Variants in SGCE observed in about 807,000 individuals in gnomAD.
The protein encoded by SGCE is epsilon-sarcoglycan.
Under a neutral mutation model 57.8 loss-of-function variants are expected in SGCE, and 26 were observed. That is an observed-to-expected ratio of 0.45 (90% confidence interval 0.33 to 0.62). The LOEUF (loss-of-function observed/expected upper bound fraction) is 0.62. Ranked by LOEUF, SGCE falls within the 20% of genes least tolerant of loss-of-function variation. The probability of loss-of-function intolerance (pLI) is 0.02; values close to 1 mark genes in which losing one functional copy is unlikely to be tolerated. For synonymous variants in SGCE, 183 were observed against 189.5 expected, an observed-to-expected ratio of 0.97 and a Z score of 0.28; for missense variants, 468 against 548.6, an observed-to-expected ratio of 0.85 and a Z score of 1.47.
chr7:94,585,334 T>C lies in SGCE; in HGVS notation c.*165A>G. The C allele has an allele frequency of 3.5e-6, 2 of 563,742 alleles. No individual in the cohort carries two copies. The highest frequency in any genetic ancestry group is 7.0e-5 in the South Asian group (2 of 28,770). 34.9% of individuals were successfully genotyped at this position (563,742 alleles called of 1,614,324 possible). On this transcript the variant is annotated 3_prime_UTR_variant, in exon 11 of 11. Transcript: ENST00000648936. ...AATGCTTTAAGTACAAAAAAATACA[T>C]TAGTAAAATGAAAGTTATGTTGTAT...
intron 5 of SGCE, among the ~76,000 whole-genome samples, chr7:94,606,759 G>T (rs1800211043): frequency 6.6e-6 from 1 of 152,134 alleles, no homozygotes. Context: ...ATCATACACT[G>T]TCTGTTCTCA....
rs1797128051 is a variant in SGCE at position 94,587,961 on chromosome 7, C to T, written c.1297+728G>A. The T allele has an allele frequency of 2.1e-6, 3 of 1,426,362 alleles. No individual in the cohort carries two copies. The Admixed American group carries it at 9.9e-5, about 47-fold the overall frequency. 88.4% of individuals were successfully genotyped at this position (1,426,362 alleles called of 1,614,324 possible). A position where few individuals can be genotyped will look rare whatever the true frequency, so the allele number is the denominator to read the frequency against. ...TTCATACTCAGAATTCCACACCCAA[C>T]TTACATTTTTAAAACTTCTCTTGCT... On this transcript the variant is annotated intron_variant, in intron 10 of 10. Coordinates refer to ENST00000648936, the MANE Select transcript of SGCE (RefSeq NM_003919.3).
intron 1 of SGCE, among the ~76,000 whole-genome samples, chr7:94,655,213 T>C (rs1275509801): frequency 6.6e-6 from 1 of 152,176 alleles, no homozygotes; most frequent in Non-Finnish European, 1.5e-5. Context: ...AACCTCGTAA[T>C]CGCCACCAAA....
rs372425916 is a variant in SGCE at position 94,628,165 on chromosome 7, T to C, written c.390+37A>G. On this transcript the variant is annotated intron_variant, in intron 3 of 10. Transcript: ENST00000648936. ...ACACACACACACACACACACACACA[T>C]ATATGTATAGTTTTGCTCTTTCTAG... 269 of 1,285,462 alleles carry C rather than the reference T, an allele frequency of 2.1e-4. No individual in the cohort carries two copies. Among genetic ancestry groups the C allele is most frequent in the South Asian group, 4.6e-4 (39 of 84,952 alleles). The allele number at this position is 1,285,462 out of a possible 1,614,324, so 79.6% of individuals were successfully genotyped here.
At chr7:94,613,088 A>C (rs763735579) in intron 5 of SGCE, among the ~76,000 whole-genome samples, 11 of 152,224 alleles carry the variant, frequency 7.2e-5, no homozygotes, top group Non-Finnish European at 1.2e-4. Flanking sequence ...GGCTAAATGA[A>C]TGCATGAATG....
intron 9 of SGCE, chr7:94,597,087 G>A (rs1228012417): frequency 2.0e-5 from 3 of 151,726 alleles, no homozygotes; most frequent in Non-Finnish European, 4.4e-5. Context: ...CATAATAGGT[G>A]GGCTACTGAC....
chr7:94,597,255 C>T (rs1056594534), intron 9 of SGCE: 4 of 152,168 alleles, frequency 2.6e-5, no homozygotes, highest in African/African-American at 4.8e-5. Context: ...CCATTACTTA[C>T]ACTCTCATAC....
chr7:94,614,738 A>C (rs1801620398), intron 5 of SGCE, among the ~76,000 whole-genome samples: 1 of 152,160 alleles, frequency 6.6e-6, no homozygotes. Flanking sequence ...TAAAACACTG[A>C]TTTTAATTAT....
chr7:94,602,238 A>G (rs1269858146), intron 6 of SGCE, among the ~76,000 whole-genome samples: 6 of 152,078 alleles, frequency 3.9e-5, no homozygotes, highest in African/African-American at 1.4e-4. Context: ...AAATTTTCCT[A>G]TAATAATTGA....
chr7:94,630,220 A>AT (rs1804473624), intron 1 of SGCE, among the ~76,000 whole-genome samples: 2 of 151,842 alleles, frequency 1.3e-5, no homozygotes, highest in South Asian at 2.1e-4. Context: ...ATTGCTACAG[A>AT]TTTTTTTCTT....
rs1466005674 is a variant in SGCE at position 94,587,919 on chromosome 7, C to A, written c.1297+770G>T. On this transcript the variant is annotated intron_variant, in intron 10 of 10. Coordinates refer to ENST00000648936, the MANE Select transcript of SGCE (RefSeq NM_003919.3). ...TTAAGAGACTTACTTAATAGTTTCCCTACCACAATGCCGCTATTCATACTC... is the reference window on the plus strand; with the variant it reads ...TTAAGAGACTTACTTAATAGTTTCCATACCACAATGCCGCTATTCATACTC... 3.4e-6 allele frequency: 5 copies of A among 1,456,646 alleles called. No individual in the cohort carries two copies. The Admixed American group carries it at 1.5e-4, about 44-fold the overall frequency. 90.2% of individuals were successfully genotyped at this position (1,456,646 alleles called of 1,614,324 possible). A position where few individuals can be genotyped will look rare whatever the true frequency, so the allele number is the denominator to read the frequency against.
At chr7:94,648,800 T>G (rs962400862) in intron 1 of SGCE, among the ~76,000 whole-genome samples, 7 of 152,248 alleles carry the variant, frequency 4.6e-5, no homozygotes, top group African/African-American at 1.7e-4. Context: ...CTTATTTTGC[T>G]TTCCAAGGTA....
chr7:94,588,452 C>CAGG, intron 10 of SGCE: 2 of 1,328,906 alleles, frequency 1.5e-6, no homozygotes. Context: ...CTTAATTAGA[C>CAGG]AGGACCTCCA....
At chr7:94,638,833 C>T (rs1805978185) in intron 1 of SGCE, among the ~76,000 whole-genome samples, 1 of 152,148 alleles carries the variant, frequency 6.6e-6, no homozygotes, top group African/African-American at 2.4e-5. Flanking sequence ...CAATCATTTA[C>T]AGGTCAAGTC....
chr7:94,631,088 A>C (rs1463401779), intron 1 of SGCE, among the ~76,000 whole-genome samples: 1 of 151,992 alleles, frequency 6.6e-6, no homozygotes, highest in Non-Finnish European at 1.5e-5. Context: ...AGAGGGAAGG[A>C]AGCTACAAGT....
rs1177721713 is a variant in SGCE, at chr7:94,656,035, T to A, written c.64A>T (p.Thr22Ser). ...GTGGTCGCGGGGCTCATCCTGCGTGTCCCCCGACCCTGTCCCGTCCAAGCA... is the reference window on the plus strand; with the variant it reads ...GTGGTCGCGGGGCTCATCCTGCGTGACCCCCGACCCTGTCCCGTCCAAGCA... The part of the protein sequence containing the change: ...PCAWTGQGRG[T>S]RRMSPATTGT... Residue 22 changes from threonine (T) to serine (S), a missense_variant, in exon 1 of 11, where the codon ACA becomes TCA. Coordinates refer to ENST00000648936, the MANE Select transcript of SGCE (RefSeq NM_003919.3). The A allele has an allele frequency of 6.2e-7, 1 of 1,613,000 alleles. No individual in the cohort carries two copies. The highest frequency in any genetic ancestry group is 2.2e-5 in the East Asian group (1 of 44,808).
At chr7:94,610,672 A>T (rs915003872) in intron 5 of SGCE, among the ~76,000 whole-genome samples, 1 of 152,178 alleles carries the variant, frequency 6.6e-6, no homozygotes, top group Non-Finnish European at 1.5e-5. Context: ...ATCAAAATAA[A>T]AAAGTTCTGT....
intron 5 of SGCE, among the ~76,000 whole-genome samples, chr7:94,609,091 C>T (rs937640128): frequency 2.6e-5 from 4 of 152,174 alleles, no homozygotes; most frequent in Admixed American, 2.6e-4. Flanking sequence ...TTAAAAATTT[C>T]TCTTCTGCAA....
intron 1 of SGCE, among the ~76,000 whole-genome samples, chr7:94,655,078 T>C (rs1487388090): frequency 6.6e-6 from 1 of 152,224 alleles, no homozygotes; most frequent in Non-Finnish European, 1.5e-5. Flanking sequence ...CGCAAATATT[T>C]GTGGCCGAAT....
Sources: gnomAD v4.1 joint callset for allele counts (sites outside exome capture counted in the v4.1 genomes callset) on GRCh38, gnomAD v4.1.1 for gene constraint, MANE v1.5 for transcripts, NCBI Gene and HGNC (gene_info 2026-07-23, HGNC 2026-07-21) for gene names.